Variants in DGKH observed in about 807,000 individuals in gnomAD.
DGKH encodes diacylglycerol kinase eta.
DGKH carries 90 observed loss-of-function variants against 159.3 expected under a neutral mutation model. That is an observed-to-expected ratio of 0.57 (90% CI 0.48 to 0.67). DGKH has a LOEUF of 0.67. Ranked by LOEUF, DGKH falls within the 30% of genes least tolerant of loss-of-function variation. The probability of loss-of-function intolerance (pLI) is 0.00; values close to 1 mark genes in which losing one functional copy is unlikely to be tolerated. For missense variants in DGKH, 1,181 were observed against 1,506.1 expected, an observed-to-expected ratio of 0.78 and a Z score of 3.57; for synonymous variants, 536 against 553.8, an observed-to-expected ratio of 0.97 and a Z score of 0.45.
intron 1 of DGKH, among the ~76,000 whole-genome samples, chr13:42,104,422 A>G (rs1319194190): frequency 2.6e-5 from 4 of 152,238 alleles, no homozygotes; most frequent in Non-Finnish European, 5.9e-5. Flanking sequence ...CTCGCATTTC[A>G]TTGGCAAGAT....
chr13:42,175,609 C>T (rs1956580846), intron 12 of DGKH, among the ~76,000 whole-genome samples: 1 of 152,070 alleles, frequency 6.6e-6, no homozygotes, highest in African/African-American at 2.4e-5. Flanking sequence ...TGTATAATCA[C>T]TAAATATGAG....
intron 3 of DGKH, among the ~76,000 whole-genome samples, chr13:42,152,900 G>A (rs1955948520): frequency 6.6e-6 from 1 of 152,176 alleles, no homozygotes; most frequent in Non-Finnish European, 1.5e-5. Context: ...CCTGGGGCAG[G>A]TGTGAGTGCT....
intron 17 of DGKH, 132 bp downstream of exon 17, chr13:42,195,148 C>A: frequency 1.6e-6 from 2 of 1,222,706 alleles, no homozygotes; most frequent in Non-Finnish European, 2.2e-6. Context: ...GTTATACTTT[C>A]AGTCAGAATC....
intron 3 of DGKH, among the ~76,000 whole-genome samples, chr13:42,150,421 C>T (rs1259576923): frequency 6.6e-6 from 1 of 152,168 alleles, no homozygotes; most frequent in Non-Finnish European, 1.5e-5. Flanking sequence ...CTTCTGCCTG[C>T]GTGACTTACC....
intron 3 of DGKH, among the ~76,000 whole-genome samples, chr13:42,153,505 A>G (rs1955969172): frequency 6.6e-6 from 1 of 152,220 alleles, no homozygotes; most frequent in Non-Finnish European, 1.5e-5. Context: ...CATATAAGGT[A>G]GCAAAAAATA....
chr13:42,132,895 G>A (rs766603840), intron 3 of DGKH, among the ~76,000 whole-genome samples: 12 of 152,022 alleles, frequency 7.9e-5, no homozygotes, highest in Non-Finnish European at 1.2e-4. Context: ...TTGGCCGGGC[G>A]TGATGGCTCA....
intron 1 of DGKH, among the ~76,000 whole-genome samples, chr13:42,061,976 A>AGGGTGTGTGT (rs1555256114): frequency 1.3e-5 from 1 of 78,480 alleles, no homozygotes; most frequent in Non-Finnish European, 3.0e-5. Flanking sequence ...AAAGATGGAG[A>AGGGTGTGTGT]GTGTGTGTGT....
intron 9 of DGKH, 32 bp downstream of exon 9, chr13:42,166,706 A>G (rs2138008550): frequency 1.3e-6 from 2 of 1,519,314 alleles, no homozygotes; most frequent in Non-Finnish European, 1.8e-6. Context: ...TTATTTGAAT[A>G]CAATGTAGGA....
chr13:42,180,520 G>C (rs1313140744), intron 13 of DGKH, among the ~76,000 whole-genome samples: 2 of 152,180 alleles, frequency 1.3e-5, no homozygotes, highest in Admixed American at 1.3e-4. Context: ...ATGACAGAGG[G>C]CTGTATTAAA....
chr13:42,102,388 A>T (rs184389908), intron 1 of DGKH, among the ~76,000 whole-genome samples: 6 of 152,374 alleles, frequency 3.9e-5, no homozygotes, highest in Admixed American at 2.6e-4. Flanking sequence ...GGCTTTTTAA[A>T]AAGTGGCCCC....
chr13:42,205,704 T>A (rs1373771408), intron 20 of DGKH, among the ~76,000 whole-genome samples: 1 of 152,016 alleles, frequency 6.6e-6, no homozygotes, highest in Non-Finnish European at 1.5e-5. Context: ...AAAAAGATGC[T>A]TAAAATAAGT....
intron 14 of DGKH, 83 bp downstream of exon 14, chr13:42,187,231 G>C: frequency 8.5e-7 from 1 of 1,173,590 alleles, no homozygotes. Context: ...AATTGATTAG[G>C]TGGTTTTCCT....
chr13:42,172,499 T>C (rs1170039864), intron 11 of DGKH, among the ~76,000 whole-genome samples: 1 of 152,238 alleles, frequency 6.6e-6, no homozygotes, highest in Non-Finnish European at 1.5e-5. Context: ...ATTTGAATTT[T>C]TATGCAAATA....
At chr13:42,187,265 A>C (rs1566171299) in intron 14 of DGKH, 117 bp downstream of exon 14, 4 of 801,058 alleles carry the variant, frequency 5.0e-6, no homozygotes, top group Non-Finnish European at 8.3e-6. Context: ...AAATCGAGAG[A>C]AAAATTACTT....
chr13:42,079,935 T>A (rs1954168937), intron 1 of DGKH, among the ~76,000 whole-genome samples: 1 of 152,206 alleles, frequency 6.6e-6, no homozygotes, highest in South Asian at 2.1e-4. Flanking sequence ...TTGTTTTTAA[T>A]ACACAAATAA....
chr13:42,102,324 C>T (rs1566102255), intron 1 of DGKH, among the ~76,000 whole-genome samples: 2 of 152,282 alleles, frequency 1.3e-5, no homozygotes, highest in African/African-American at 2.4e-5. Flanking sequence ...GCCAGCTGTG[C>T]TTTTGCTAAT....
At chr13:42,218,239 C>T (rs945096974) in intron 26 of DGKH, among the ~76,000 whole-genome samples, 2 of 152,126 alleles carry the variant, frequency 1.3e-5, no homozygotes, top group Non-Finnish European at 2.9e-5. Flanking sequence ...CATTTTAATA[C>T]CTGCTTTCAA....
intron 1 of DGKH, among the ~76,000 whole-genome samples, chr13:42,110,633 A>G (rs948574991): frequency 3.1e-5 from 3 of 96,492 alleles, no homozygotes; most frequent in Admixed American, 2.0e-4. Context: ...TTTACAACAC[A>G]GTTACACATA....
At chr13:42,163,573 A>G (rs1200122161) in intron 7 of DGKH, among the ~76,000 whole-genome samples, 2 of 152,174 alleles carry the variant, frequency 1.3e-5, no homozygotes, top group Non-Finnish European at 2.9e-5. Context: ...GTGAGATGGT[A>G]TCTCATTGTG....
Sources: allele counts gnomAD v4.1 joint callset (sites outside exome capture counted in the v4.1 genomes callset), GRCh38; gene constraint gnomAD v4.1.1; transcripts MANE v1.5; gene names NCBI Gene and HGNC (gene_info 2026-07-23, HGNC 2026-07-21).